The following PCDH15 variants were observed in gnomAD, a reference collection of about 807,000 sequenced individuals.
The protein encoded by PCDH15 is protocadherin related 15, also known as protocadherin-15.
PCDH15 carries 129 observed loss-of-function variants against 178.5 expected under a neutral mutation model. The ratio of observed to expected loss-of-function variants is 0.72; its 90% confidence interval spans 0.63 to 0.84. The LOEUF (loss-of-function observed/expected upper bound fraction) is 0.84, where lower values mean the gene tolerates loss of function less well. Among genes scored for constraint, PCDH15 ranks in the 40% least tolerant of loss-of-function variants. The pLI is 0.00. For missense variants in PCDH15, 2,230 were observed against 2,099.9 expected (o/e 1.06, Z -1.21); for synonymous variants, 800 against 732.0 (o/e 1.09, Z -1.50).
At chr10:54,521,552 T>C (rs1396613220) in intron 3 of PCDH15, among the ~76,000 whole-genome samples, 3 of 152,186 alleles carry the variant, frequency 2.0e-5, no homozygotes, top group Admixed American at 2.0e-4. Flanking sequence ...CTTCCCTCTT[T>C]ATTAATGATT....
chr10:54,440,476 A>T (rs1176063413), intron 3 of PCDH15, among the ~76,000 whole-genome samples: 2 of 151,900 alleles, frequency 1.3e-5, no homozygotes, highest in Non-Finnish European at 2.9e-5. Context: ...TCAATCAACA[A>T]ATAAATTCTA....
chr10:54,100,223 G>A (rs896761855), intron 15 of PCDH15, among the ~76,000 whole-genome samples: 2 of 151,910 alleles, frequency 1.3e-5, no homozygotes, highest in African/African-American at 4.8e-5. Context: ...AAATTTGCCG[G>A]GCGTAGTGGT....
intron 15 of PCDH15, among the ~76,000 whole-genome samples, chr10:54,118,769 T>A (rs878891013): frequency 2.5e-5 from 3 of 118,924 alleles, no homozygotes; most frequent in African/African-American, 3.8e-5. Context: ...CTAGGAAAGT[T>A]TTATTTTTAT....
chr10:54,654,676 C>T (rs12264122), intron 2 of PCDH15, among the ~76,000 whole-genome samples: 12,573 of 152,200 alleles, frequency 0.083, 528 homozygotes, highest in African/African-American at 0.12. Flanking sequence ...ATTGATGACT[C>T]AGAGCCAAGC....
intron 21 of PCDH15, among the ~76,000 whole-genome samples, chr10:53,986,351 T>C (rs1281105547): frequency 1.3e-5 from 2 of 152,226 alleles, no homozygotes; most frequent in Non-Finnish European, 2.9e-5. Context: ...AAGAAATTGC[T>C]ACACTTGTGC....
At chr10:54,581,958 C>T (rs2133802893) in intron 2 of PCDH15, among the ~76,000 whole-genome samples, 1 of 152,124 alleles carries the variant, frequency 6.6e-6, no homozygotes, top group Non-Finnish European at 1.5e-5. Context: ...ATACTTCAAA[C>T]TATAAAAACC....
At chr10:54,044,507 G>A (rs1319216572) in intron 18 of PCDH15, among the ~76,000 whole-genome samples, 1 of 152,094 alleles carries the variant, frequency 6.6e-6, no homozygotes, top group African/African-American at 2.4e-5. Context: ...CCAGGCCAGA[G>A]TAGAGGGTAG....
chr10:54,592,741 A>G (rs550723339), intron 2 of PCDH15, among the ~76,000 whole-genome samples: 1 of 152,290 alleles, frequency 6.6e-6, no homozygotes, highest in African/African-American at 2.4e-5. Context: ...TGGTAGTTCC[A>G]TTTTTAATTG....
At chr10:54,048,581 G>A (rs568710160) in intron 18 of PCDH15, among the ~76,000 whole-genome samples, 2 of 152,232 alleles carry the variant, frequency 1.3e-5, no homozygotes, top group African/African-American at 4.8e-5. Flanking sequence ...TATACATACT[G>A]AAAGGGAGGA....
At chr10:55,241,891 T>C (rs951019627) in intron 1 of PCDH15, among the ~76,000 whole-genome samples, 1 of 152,360 alleles carries the variant, frequency 6.6e-6, no homozygotes. Context: ...AAAACTTTTC[T>C]GAGTTAGAAC....
intron 3 of PCDH15, among the ~76,000 whole-genome samples, chr10:54,460,057 A>AT (rs2077076010): frequency 6.6e-6 from 1 of 152,170 alleles, no homozygotes; most frequent in Admixed American, 6.6e-5. Context: ...GATTTGGGGA[A>AT]TAAAAAAGGA....
intron 25 of PCDH15, among the ~76,000 whole-genome samples, chr10:53,932,509 C>T (rs558096192): frequency 3.9e-5 from 6 of 152,156 alleles, no homozygotes; most frequent in Admixed American, 3.3e-4. Context: ...ATAAGGGCAG[C>T]GTTTTTTACT....
At chr10:55,235,560 T>C (rs1841355221) in intron 1 of PCDH15, among the ~76,000 whole-genome samples, 1 of 152,054 alleles carries the variant, frequency 6.6e-6, no homozygotes, top group Admixed American at 6.6e-5. Context: ...CAAATGCAAG[T>C]CTATGCTCAC....
At chr10:55,277,480 T>G (rs955389103) in intron 1 of PCDH15, among the ~76,000 whole-genome samples, 1 of 152,074 alleles carries the variant, frequency 6.6e-6, no homozygotes, top group African/African-American at 2.4e-5. Context: ...ACAAAAATTT[T>G]TTCTTCCTGG....
intron 26 of PCDH15, among the ~76,000 whole-genome samples, chr10:53,884,386 C>T (rs781182424): frequency 2.0e-4 from 30 of 152,084 alleles, no homozygotes; most frequent in African/African-American, 4.6e-4. Flanking sequence ...AAAGTCATTC[C>T]GTGGGTGCCA....
chr10:55,569,577 T>TA (rs57871193), intron 2 of PCDH15, among the ~76,000 whole-genome samples: 275 of 145,140 alleles, frequency 1.9e-3, no homozygotes, highest in African/African-American at 4.1e-3. Context: ...AAGAATTTTC[T>TA]AAAAAAAAAA....
chr10:54,755,906 A>T (rs1259460807), intron 1 of PCDH15, among the ~76,000 whole-genome samples: 1 of 152,124 alleles, frequency 6.6e-6, no homozygotes, highest in Non-Finnish European at 1.5e-5. Flanking sequence ...ACTGGATGTT[A>T]CTTTCTCTCT....
intron 25 of PCDH15, among the ~76,000 whole-genome samples, chr10:53,911,484 C>T (rs2083082254): frequency 6.6e-6 from 1 of 152,026 alleles, no homozygotes. Context: ...ATTTATAGCA[C>T]TAAATGCCCA....
chr10:55,184,859 A>G (rs2132138548), intron 1 of PCDH15, among the ~76,000 whole-genome samples: 1 of 152,074 alleles, frequency 6.6e-6, no homozygotes, highest in African/African-American at 2.4e-5. Flanking sequence ...AAAATTGTCA[A>G]ATATTGCCAC....
Sources: gnomAD v4.1 joint callset for allele counts (sites outside exome capture counted in the v4.1 genomes callset) on GRCh38, gnomAD v4.1.1 for gene constraint, MANE v1.5 for transcripts, NCBI Gene and HGNC (gene_info 2026-07-23, HGNC 2026-07-21) for gene names.